Variants in PAM observed in about 807,000 individuals in gnomAD.
PAM encodes the protein peptidylglycine alpha-amidating monooxygenase.
In PAM, 72 loss-of-function variants were observed where a neutral mutation model predicts 122.1. The ratio of observed to expected loss-of-function variants is 0.59; its 90% confidence interval spans 0.49 to 0.72. The LOEUF is 0.72. Ranked by LOEUF, PAM falls within the 30% of genes least tolerant of loss-of-function variation. PAM has a pLI of 0.00. For synonymous variants in PAM, 389 were observed against 404.4 expected (o/e 0.96, Z 0.46); for missense variants, 1,106 against 1,183.7 (o/e 0.93, Z 0.96).
At chr5:102,757,330 A>AC (rs35531526) in intron 1 of PAM, among the ~76,000 whole-genome samples, 74,580 of 151,922 alleles carry the variant, frequency 0.49, 18,594 homozygotes, top group African/African-American at 0.56. Flanking sequence ...TCTCAAAAAA[A>AC]GATAAAACTA....
intron 1 of PAM, among the ~76,000 whole-genome samples, chr5:102,856,480 A>C (rs1782652523): frequency 6.6e-6 from 1 of 152,172 alleles, no homozygotes; most frequent in Non-Finnish European, 1.5e-5. Context: ...GATGTGTGCT[A>C]TTTGGAAGAC....
chr5:102,931,007 C>A (rs555883456), intron 7 of PAM, among the ~76,000 whole-genome samples: 76 of 152,218 alleles, frequency 5.0e-4, no homozygotes, highest in South Asian at 3.7e-3. Flanking sequence ...AGTTTCTAAA[C>A]CTCTCTTTGC....
chr5:102,837,567 A>C (rs1777433223), intron 1 of PAM: 1 of 152,226 alleles, frequency 6.6e-6, no homozygotes, highest in African/African-American at 2.4e-5. Context: ...GGAAAAATAA[A>C]ATCTGATATA....
chr5:102,792,460 C>T (rs984129044), intron 1 of PAM, among the ~76,000 whole-genome samples: 7 of 152,110 alleles, frequency 4.6e-5, no homozygotes, highest in Non-Finnish European at 8.8e-5. Flanking sequence ...CTTTTTTCTT[C>T]TTTATCTATT....
chr5:102,803,443 A>C (rs561338603), intron 1 of PAM, among the ~76,000 whole-genome samples: 13 of 152,262 alleles, frequency 8.5e-5, no homozygotes, highest in Admixed American at 7.8e-4. Context: ...AATTAAGGCC[A>C]TTCCAGCCTT....
At chr5:102,794,090 C>G (rs1039652277) in intron 1 of PAM, among the ~76,000 whole-genome samples, 5 of 151,858 alleles carry the variant, frequency 3.3e-5, no homozygotes, top group African/African-American at 1.2e-4. Context: ...GGCCAGCTAC[C>G]CCCTTGAGAC....
intron 7 of PAM, 34 bp from the exon 8 acceptor site, chr5:102,946,803 T>C (rs1283483126): frequency 1.5e-6 from 2 of 1,331,408 alleles, no homozygotes; most frequent in Admixed American, 1.8e-5. Flanking sequence ...TACATTATCA[T>C]ATTTAAGATA....
At chr5:102,904,793 T>G (rs186374346) in intron 4 of PAM, among the ~76,000 whole-genome samples, 1 of 151,776 alleles carries the variant, frequency 6.6e-6, no homozygotes, top group East Asian at 1.9e-4. Flanking sequence ...TTGATGGCAT[T>G]AAAAGTCAAA....
At chr5:102,874,022 C>A (rs1486448186) in intron 3 of PAM, among the ~76,000 whole-genome samples, 1 of 152,086 alleles carries the variant, frequency 6.6e-6, no homozygotes, top group East Asian at 1.9e-4. Context: ...AAGAGAGCAA[C>A]AAAATAAAAT....
chr5:102,785,049 TTTG>T (rs1760145237), intron 1 of PAM, among the ~76,000 whole-genome samples: 2 of 152,238 alleles, frequency 1.3e-5, no homozygotes, highest in Non-Finnish European at 2.9e-5. Context: ...AATAGACTTT[TTTG>T]TTGTTGTTCT....
intron 9 of PAM, among the ~76,000 whole-genome samples, chr5:102,949,153 G>A (rs1757968510): frequency 6.6e-6 from 1 of 152,038 alleles, no homozygotes; most frequent in South Asian, 2.1e-4. Flanking sequence ...AACAGGAACT[G>A]TCAATGTAGT....
At chr5:102,973,163 G>T (rs976619043) in intron 14 of PAM, among the ~76,000 whole-genome samples, 3 of 152,180 alleles carry the variant, frequency 2.0e-5, no homozygotes, top group African/African-American at 7.2e-5. Flanking sequence ...CCTAGTATAG[G>T]ATGAGGAAAA....
At chr5:102,895,181 C>T (rs980037821) in intron 3 of PAM, among the ~76,000 whole-genome samples, 38 of 151,780 alleles carry the variant, frequency 2.5e-4, no homozygotes, top group African/African-American at 8.9e-4. Context: ...TCTAATTACA[C>T]GGCCTTTGAA....
intron 5 of PAM, among the ~76,000 whole-genome samples, chr5:102,914,554 T>A (rs990939015): frequency 2.0e-5 from 3 of 152,216 alleles, no homozygotes; most frequent in African/African-American, 7.2e-5. Flanking sequence ...GGTTCATTAT[T>A]CTACCCGAAG....
At chr5:102,935,703 C>G (rs916924572) in intron 7 of PAM, among the ~76,000 whole-genome samples, 2 of 152,090 alleles carry the variant, frequency 1.3e-5, no homozygotes, top group African/African-American at 4.8e-5. Context: ...AAAAATTTTA[C>G]TCAGTGTTTA....
intron 16 of PAM, among the ~76,000 whole-genome samples, chr5:102,995,831 G>A (rs543219784): frequency 1.3e-5 from 2 of 151,880 alleles, no homozygotes; most frequent in African/African-American, 4.8e-5. Context: ...TCTATTTTCA[G>A]AAGTAAGTGT....
intron 1 of PAM, among the ~76,000 whole-genome samples, chr5:102,780,795 C>A (rs1758645883): frequency 7.0e-6 from 1 of 142,332 alleles, no homozygotes; most frequent in African/African-American, 2.7e-5. Flanking sequence ...TTCTTTCTTT[C>A]TTTCTTTCTT....
intron 14 of PAM, among the ~76,000 whole-genome samples, chr5:102,963,631 G>A (rs549236565): frequency 1.2e-3 from 178 of 151,944 alleles, no homozygotes; most frequent in African/African-American, 4.1e-3. Flanking sequence ...ATCTATGTTG[G>A]TCCTACAGAA....
chr5:102,980,553 C>T (rs374137073), intron 15 of PAM, among the ~76,000 whole-genome samples: 17 of 152,220 alleles, frequency 1.1e-4, no homozygotes, highest in African/African-American at 3.1e-4. Context: ...ATTCTCATGT[C>T]GTGATGAGCA....
Sources: allele counts gnomAD v4.1 joint callset (sites outside exome capture counted in the v4.1 genomes callset), GRCh38; gene constraint gnomAD v4.1.1; transcripts MANE v1.5; gene names NCBI Gene and HGNC (gene_info 2026-07-23, HGNC 2026-07-21).